Variants in CCL1 observed in about 807,000 individuals in gnomAD.
The protein encoded by CCL1 is C-C motif chemokine 1.
In CCL1, 9 loss-of-function variants were observed where a neutral mutation model predicts 7.5. The ratio of observed to expected loss-of-function variants is 1.20; its 90% confidence interval spans 0.72 to 2.09. CCL1 has a LOEUF of 2.09. Among genes scored for constraint, CCL1 ranks in the 30% most tolerant of loss-of-function variants. The pLI is 0.00. For synonymous variants in CCL1, 48 were observed against 44.7 expected (o/e 1.07, Z -0.30); for missense variants, 110 against 113.7 (o/e 0.97, Z 0.15).
chr17:34,361,857 T>C lies in CCL1; in HGVS notation c.116A>G (p.Glu39Gly), dbSNP rs757395142. The C allele has an allele frequency of 1.2e-6, 2 of 1,613,030 alleles. No homozygotes were observed. The highest frequency in any genetic ancestry group is 2.2e-5 in the South Asian group (2 of 91,054). Reference protein sequence around the residue: ...PFSRCCFSFAEQEIPLRAILC... With the variant: ...PFSRCCFSFAGQEIPLRAILC... ...GATTGCCCTCAGGGGAATCTCTTGC[T>C]CCGCAAATGAGAAGCAACATCTGGA... is the stretch of plus-strand genomic sequence containing the variant. Residue 39 changes from glutamate (E) to glycine (G), a missense_variant, in exon 2 of 3, where the codon GAG becomes GGG. Transcript: ENST00000225842.
In CCL1 at chr17:34,360,656, T is replaced by C. The variant is rs367955416; in HGVS notation, c.194A>G (p.Lys65Arg). 8.7e-6 allele frequency: 14 copies of C among 1,612,110 alleles called. No homozygotes were observed. The highest frequency in any genetic ancestry group is 1.1e-5 in the Non-Finnish European group (13 of 1,179,160). Residue 65 changes from lysine to arginine, a missense_variant, in exon 3 of 3, where the codon AAG (lysine) becomes AGG (arginine). Physicochemically the swap from Lys to Arg is conservative, Grantham distance 26. Transcript: ENST00000225842. ...SICSNEGLIF[K>R]LKRGKEACAL... ...GCAGGCCTCTTTGCCTCTCTTCAGC[T>C]TGAATCTGTGAACAGAGAATAAGAG...
chr17:34,361,925 C>T, intron 1 of CCL1, 29 bp from the exon 2 acceptor site: 1 of 1,371,316 alleles, frequency 7.3e-7, no homozygotes, highest in South Asian at 1.2e-5. Context: ...CGATGGTTTG[C>T]ATCCATTTCT....
At chr17:34,361,062 C>T (rs775212075) in intron 2 of CCL1, among the ~76,000 whole-genome samples, 9 of 149,682 alleles carry the variant, frequency 6.0e-5, no homozygotes, top group South Asian at 2.1e-4. Flanking sequence ...TGTGTGTGCG[C>T]GCGCCTTGTG....
Position 34,360,563 on chromosome 17 carries a change from T to C in CCL1, c.287A>G (p.Lys96Arg). Residue 96 changes from lysine (K) to arginine (R), a missense_variant, in exon 3 of 3, where the codon AAA becomes AGA. Lys to Arg is a conservative substitution (Grantham distance 26, BLOSUM62 2). Coordinates refer to ENST00000225842, the MANE Select transcript of CCL1 (RefSeq NM_002981.2). ...KMLRHCPSKR[K>R] ...CCACAATGGAAAGAAATCTGCTCAT[T>C]TTCTTTTTGACGGGCAGTGCCTCAG... The C allele has an allele frequency of 1.9e-6, 3 of 1,613,344 alleles. No homozygotes were observed. The highest frequency in any genetic ancestry group is 2.5e-6 in the Non-Finnish European group (3 of 1,179,418).
At chr17:34,362,527 C>T (rs142867811) in intron 1 of CCL1, among the ~76,000 whole-genome samples, 418 of 152,230 alleles carry the variant, frequency 2.7e-3, no homozygotes, top group African/African-American at 9.6e-3. Context: ...CACCACATCC[C>T]GCAAGAGACC....
At chr17:34,362,083 A>G (rs1376343488) in intron 1 of CCL1, among the ~76,000 whole-genome samples, 187 bp from the exon 2 acceptor site, 1 of 152,196 alleles carries the variant, frequency 6.6e-6, no homozygotes, top group Non-Finnish European at 1.5e-5. Flanking sequence ...AAGAGTCAGA[A>G]GATTGGGGTT....
chr17:34,362,678 G>C (rs1361058143), intron 1 of CCL1, among the ~76,000 whole-genome samples: 1 of 152,142 alleles, frequency 6.6e-6, no homozygotes, highest in Admixed American at 6.5e-5. Context: ...AGTAGAGTTT[G>C]AGAGCTAAAG....
rs1910513035 is a variant in CCL1, at chr17:34,361,771, A to G, written c.188+14T>C. Reference sequence around the variant, plus strand: ...TCTGTTCTCTAGGGAGAGATTGAGCAGGTGATCACTTACATTAAGCCCTCA... The same window carrying G: ...TCTGTTCTCTAGGGAGAGATTGAGCGGGTGATCACTTACATTAAGCCCTCA... On this transcript the variant is annotated intron_variant, in intron 2 of 2. Transcript: ENST00000225842. 1.3e-6 allele frequency: 2 copies of G among 1,502,358 alleles called. No homozygotes were observed. Among genetic ancestry groups the G allele is most frequent in the Admixed American group, 1.7e-5 (1 of 59,786 alleles). 93.1% of individuals were successfully genotyped at this position (1,502,358 alleles called of 1,614,324 possible).
At chr17:34,361,458 T>A (rs942402370) in intron 2 of CCL1, among the ~76,000 whole-genome samples, 4 of 152,194 alleles carry the variant, frequency 2.6e-5, no homozygotes, top group Non-Finnish European at 5.9e-5. Flanking sequence ...CAGGAACTCA[T>A]CCTGGTTCCC....
chr17:34,360,870 C>G (rs1372169747), intron 2 of CCL1, among the ~76,000 whole-genome samples: 2 of 152,128 alleles, frequency 1.3e-5, no homozygotes, highest in Non-Finnish European at 2.9e-5. Flanking sequence ...AATTGAATTT[C>G]CTGGACCCCT....
chr17:34,361,218 TAAC>T (rs1419664730), intron 2 of CCL1, among the ~76,000 whole-genome samples: 1 of 151,550 alleles, frequency 6.6e-6, no homozygotes, highest in Non-Finnish European at 1.5e-5. Context: ...CTTTTCATGA[TAAC>T]AAAAATATGT....
chr17:34,360,647 C>G lies in CCL1; in HGVS notation c.203G>C (p.Arg68Thr), dbSNP rs569683500. ...SNEGLIFKLKRGKEACALDTV... is the reference protein window; with the variant it reads ...SNEGLIFKLKTGKEACALDTV... ...GTCCAAGGCGCAGGCCTCTTTGCCTCTCTTCAGCTTGAATCTGTGAACAGA... is the reference window on the plus strand; with the variant it reads ...GTCCAAGGCGCAGGCCTCTTTGCCTGTCTTCAGCTTGAATCTGTGAACAGA... Residue 68 changes from arginine to threonine, a missense_variant, in exon 3 of 3, where the codon AGA becomes ACA. Transcript: ENST00000225842. 6 of 1,613,094 alleles carry G rather than the reference C, an allele frequency of 3.7e-6. No homozygotes were observed. The highest frequency in any genetic ancestry group is 2.2e-5 in the East Asian group (1 of 44,808).
chr17:34,360,482 G>A lies in CCL1; in HGVS notation c.*77C>T. On this transcript the variant is annotated 3_prime_UTR_variant, in exon 3 of 3. Coordinates refer to ENST00000225842, the MANE Select transcript of CCL1 (RefSeq NM_002981.2). ...TGACCTAGCAAAAGCAGGGCAGAAG[G>A]AATGGTGTAGGGCTGGTAGTTTCGG... 9.2e-7 allele frequency: 1 copy of A among 1,085,736 alleles called. No individual in the cohort carries two copies. Among genetic ancestry groups the A allele is most frequent in the Non-Finnish European group, 1.4e-6 (1 of 698,626 alleles). The allele number at this position is 1,085,736 out of a possible 1,614,324, so 67.3% of individuals were successfully genotyped here.
intron 2 of CCL1, 112 bp from the exon 3 acceptor site, chr17:34,360,773 G>A: frequency 1.3e-6 from 1 of 768,306 alleles, no homozygotes; most frequent in Non-Finnish European, 2.3e-6. Flanking sequence ...CTCTTGCTAG[G>A]CCTTGGGCTC....
intron 1 of CCL1, among the ~76,000 whole-genome samples, chr17:34,362,250 C>T (rs2141951394): frequency 6.6e-6 from 1 of 152,264 alleles, no homozygotes; most frequent in Middle Eastern, 3.4e-3. Flanking sequence ...ATGGTTCTGC[C>T]CCAGTATTCA....
rs577052591 is a variant in CCL1, at chr17:34,361,982, G to C, written c.77-86C>G. 8.1e-6 allele frequency: 7 copies of C among 868,140 alleles called. 1 individual carries two copies. Among genetic ancestry groups the C allele is most frequent in the East Asian group, 5.0e-5 (2 of 39,994 alleles). The allele number at this position is 868,140 out of a possible 1,614,324, so 53.8% of individuals were successfully genotyped here. A position where few individuals can be genotyped will look rare whatever the true frequency, so the allele number is the denominator to read the frequency against. On this transcript the variant is annotated intron_variant, in intron 1 of 2. Transcript: ENST00000225842. ...ATTTTTAAAAAACAAACAAAAAAAC[G>C]CCTCCCAGGACAAGCCCTGGCTTGG...
intron 2 of CCL1, among the ~76,000 whole-genome samples, chr17:34,361,308 TTAA>T (rs1910500751): frequency 6.6e-6 from 1 of 152,120 alleles, no homozygotes; most frequent in Non-Finnish European, 1.5e-5. Context: ...GCTACTCCAA[TTAA>T]GTTTGTAAAG....
Position 34,360,350 on chromosome 17 carries a change from T to C in CCL1, c.*209A>G, listed in dbSNP as rs942102644. 45 of 515,476 alleles carry C rather than the reference T, an allele frequency of 8.7e-5. No individual in the cohort carries two copies. The highest frequency in any genetic ancestry group is 1.4e-4 in the Non-Finnish European group (40 of 283,486). The allele number at this position is 515,476 out of a possible 1,614,324, so 31.9% of individuals were successfully genotyped here. On this transcript the variant is annotated 3_prime_UTR_variant, in exon 3 of 3. Coordinates refer to ENST00000225842, the MANE Select transcript of CCL1 (RefSeq NM_002981.2). Reference sequence around the variant, plus strand: ...TCCCACCTCTCAATGCCAATCAAGTTTTCACTCTGAAATCCAAGAGACCCA... The same window carrying C: ...TCCCACCTCTCAATGCCAATCAAGTCTTCACTCTGAAATCCAAGAGACCCA...
intron 2 of CCL1, 87 bp downstream of exon 2, chr17:34,361,698 A>T: frequency 1.1e-6 from 1 of 908,380 alleles, no homozygotes; most frequent in Admixed American, 1.8e-5. Context: ...TATTCTGGTA[A>T]AATACTGTCA....
Sources: allele counts gnomAD v4.1 joint callset (sites outside exome capture counted in the v4.1 genomes callset), GRCh38; gene constraint gnomAD v4.1.1; transcripts MANE v1.5; gene names NCBI Gene and HGNC (gene_info 2026-07-23, HGNC 2026-07-21).